DENND1A: variants seen among roughly 807,000 people sequenced by gnomAD.
DENND1A encodes DENN domain containing 1A, also known as DENN domain-containing protein 1A.
A neutral mutation model predicts 113.7 loss-of-function variants in DENND1A; 51 were observed. The ratio of observed to expected loss-of-function variants is 0.45; its 90% CI spans 0.36 to 0.57. The LOEUF is 0.57. Ranked by LOEUF, DENND1A falls within the 20% of genes least tolerant of loss-of-function variation. DENND1A has a pLI of 0.00. For synonymous variants in DENND1A, 565 were observed against 570.8 expected (o/e 0.99, Z 0.14); for missense variants, 1,258 against 1,395.9 (o/e 0.90, Z 1.57).
intron 2 of DENND1A, among the ~76,000 whole-genome samples, chr9:123,819,943 A>G (rs1319224018): frequency 2.0e-5 from 3 of 152,252 alleles, no homozygotes; most frequent in Non-Finnish European, 2.9e-5. Context: ...TAAGAAATAA[A>G]TGCATATCAA....
At chr9:123,702,179 A>G (rs1338579307) in intron 5 of DENND1A, among the ~76,000 whole-genome samples, 2 of 152,202 alleles carry the variant, frequency 1.3e-5, no homozygotes, top group Non-Finnish European at 2.9e-5. Context: ...GCAATAGAGA[A>G]AATCAATAGC....
At chr9:123,862,130 G>A (rs529395187) in intron 2 of DENND1A, among the ~76,000 whole-genome samples, 1 of 152,012 alleles carries the variant, frequency 6.6e-6, no homozygotes, top group South Asian at 2.1e-4. Flanking sequence ...AAGGCCATTG[G>A]GTTTAATTAA....
At chr9:123,772,298 T>C (rs1564240235) in intron 3 of DENND1A, among the ~76,000 whole-genome samples, 2 of 152,082 alleles carry the variant, frequency 1.3e-5, no homozygotes, top group Non-Finnish European at 2.9e-5. Context: ...TCTCCAAGAG[T>C]GGGGGCTTTA....
At chr9:123,625,023 C>T (rs560575004) in intron 10 of DENND1A, among the ~76,000 whole-genome samples, 26 of 152,262 alleles carry the variant, frequency 1.7e-4, no homozygotes, top group South Asian at 1.5e-3. Context: ...AATCCTCTCC[C>T]GCCTCCCCAT....
intron 2 of DENND1A, chr9:123,842,961 C>T (rs2133000101): frequency 2.8e-6 from 1 of 353,136 alleles, no homozygotes; most frequent in East Asian, 7.9e-5. Flanking sequence ...ACAGCCCTTC[C>T]CACATGATAG....
intron 5 of DENND1A, among the ~76,000 whole-genome samples, chr9:123,722,021 C>T (rs111644691): frequency 0.077 from 11,730 of 152,236 alleles, 500 homozygotes; most frequent in Admixed American, 0.11. Flanking sequence ...AAGTTTGGAA[C>T]TTCCTAGAGA....
chr9:123,823,427 A>T (rs1430115288), intron 2 of DENND1A, among the ~76,000 whole-genome samples: 1 of 152,174 alleles, frequency 6.6e-6, no homozygotes, highest in African/African-American at 2.4e-5. Flanking sequence ...CAGAAGCCCA[A>T]TATGTTGATC....
intron 5 of DENND1A, among the ~76,000 whole-genome samples, chr9:123,694,512 A>G (rs749000084): frequency 2.0e-5 from 3 of 152,186 alleles, no homozygotes; most frequent in Non-Finnish European, 4.4e-5. Context: ...GGACATCCTG[A>G]CAAACCCAAA....
At chr9:123,395,468 C>CTCTCTCTGTGTGTGTGTGTGTG (rs367751848) in intron 21 of DENND1A, among the ~76,000 whole-genome samples, 144 of 142,976 alleles carry the variant, frequency 1.0e-3, no homozygotes, top group Middle Eastern at 3.5e-3. Flanking sequence ...CTCTCTCTCT[C>CTCTCTCTGTGTGTGTGTGTGTG]TGTGTGTGTG....
chr9:123,915,495 A>G (rs1854919670), intron 1 of DENND1A, among the ~76,000 whole-genome samples: 1 of 152,146 alleles, frequency 6.6e-6, no homozygotes, highest in Non-Finnish European at 1.5e-5. Flanking sequence ...AAAGTGTGAA[A>G]TCAAAAGACA....
In DENND1A at chr9:123,860,520, C is replaced by T. The variant is rs575755547; in HGVS notation, c.88+18431G>A. 2.2e-3 allele frequency among the ~76,000 whole-genome samples: 338 copies of T among 152,226 alleles called. 1 individual carries two copies. Among genetic ancestry groups the T allele is most frequent in the South Asian group, 0.021 (101 of 4,824 alleles). On this transcript the variant is annotated intron_variant, in intron 2 of 23. Transcript: ENST00000394215. ...ATTACCTATTGTGATTAAATAAATA[C>T]AAACTGTTTGCAAAGTTTGTAAATG...
At chr9:123,584,667 T>A (rs761372695) in intron 11 of DENND1A, among the ~76,000 whole-genome samples, 9 of 152,230 alleles carry the variant, frequency 5.9e-5, no homozygotes, top group Non-Finnish European at 1.0e-4. Flanking sequence ...TTGCCCTCAA[T>A]GTTTGAAACT....
At chr9:123,589,789 C>A (rs545109613) in intron 11 of DENND1A, among the ~76,000 whole-genome samples, 150 of 152,136 alleles carry the variant, frequency 9.9e-4, no homozygotes, top group Admixed American at 1.8e-3. Context: ...TCTGCTTTGT[C>A]ACAGACAGTC....
At chr9:123,541,985 A>G (rs2056323327) in intron 13 of DENND1A, among the ~76,000 whole-genome samples, 1 of 152,108 alleles carries the variant, frequency 6.6e-6, no homozygotes, top group South Asian at 2.1e-4. Context: ...CCTCTCCAAC[A>G]CTCAAATATT....
intron 5 of DENND1A, among the ~76,000 whole-genome samples, chr9:123,717,901 C>T (rs923886847): frequency 6.6e-6 from 1 of 152,204 alleles, no homozygotes; most frequent in Admixed American, 6.5e-5. Context: ...TGCAAAGGAG[C>T]TACAAAGGCA....
intron 5 of DENND1A, among the ~76,000 whole-genome samples, chr9:123,696,175 T>C (rs569099827): frequency 1.2e-4 from 19 of 152,308 alleles, no homozygotes; most frequent in Admixed American, 2.6e-4. Context: ...ATTACACGAT[T>C]TCAGATTTTG....
chr9:123,639,987 G>C (rs998477285), intron 9 of DENND1A, among the ~76,000 whole-genome samples: 1 of 152,058 alleles, frequency 6.6e-6, no homozygotes, highest in Non-Finnish European at 1.5e-5. Flanking sequence ...ACCTGTATAA[G>C]GTCACAGCTA....
chr9:123,797,729 T>C (rs961896276), intron 2 of DENND1A, among the ~76,000 whole-genome samples: 2 of 152,266 alleles, frequency 1.3e-5, no homozygotes, highest in Non-Finnish European at 2.9e-5. Flanking sequence ...ATTTACTTGT[T>C]ACAAATAATA....
At chr9:123,693,831 TTA>T (rs1342362155) in intron 5 of DENND1A, among the ~76,000 whole-genome samples, 1 of 147,782 alleles carries the variant, frequency 6.8e-6, no homozygotes, top group African/African-American at 2.5e-5. Context: ...ATTATTATTA[TTA>T]TTATTATTAT....
Sources: allele counts gnomAD v4.1 joint callset (sites outside exome capture counted in the v4.1 genomes callset), GRCh38; gene constraint gnomAD v4.1.1; transcripts MANE v1.5; gene names NCBI Gene and HGNC (gene_info 2026-07-23, HGNC 2026-07-21).